ZNF18: variants seen among roughly 807,000 people sequenced by gnomAD.
ZNF18 encodes heart development-specific gene 1 protein.
ZNF18 carries 42 observed loss-of-function variants against 58.1 expected under a neutral mutation model. That is an observed-to-expected ratio of 0.72 (90% CI 0.56 to 0.93). ZNF18 has a LOEUF of 0.93. ZNF18 is among the 40% of genes least tolerant of loss of function. The pLI, the probability that ZNF18 is intolerant of heterozygous loss-of-function variation, is 0.00. For missense variants in ZNF18, 540 were observed against 644.2 expected (o/e 0.84, Z 1.75); for synonymous variants, 231 against 239.8 (o/e 0.96, Z 0.34).
At chr17:12,020,713 A>C in the ZNF18 span, 1 of 366,390 alleles carries the variant, frequency 2.7e-6, no homozygotes, top group Admixed American at 4.7e-5. Context: ...TCTGCAGCTC[A>C]GCATCTGGCC....
At chr17:12,011,929 G>A in the ZNF18 span, among the ~76,000 whole-genome samples, 4 of 151,824 alleles carry the variant, frequency 2.6e-5, no homozygotes, top group African/African-American at 9.7e-5. Flanking sequence ...TTGAACTCCT[G>A]ACCTCGTGAT....
At chr17:12,012,321 C>T in the ZNF18 span, among the ~76,000 whole-genome samples, 1 of 152,184 alleles carries the variant, frequency 6.6e-6, no homozygotes, top group South Asian at 2.1e-4. Context: ...GCTTCCTCTT[C>T]TTACAGCTGG....
At chr17:11,995,099 T>C (rs1005657037) in intron 1 of ZNF18, among the ~76,000 whole-genome samples, 3 of 151,928 alleles carry the variant, frequency 2.0e-5, no homozygotes, top group African/African-American at 7.3e-5. Context: ...CCTCATTAAA[T>C]TTATTTTTTG....
At chr17:12,002,995 C>A in the ZNF18 span, among the ~76,000 whole-genome samples, 3 of 152,134 alleles carry the variant, frequency 2.0e-5, no homozygotes, top group Non-Finnish European at 4.4e-5. Flanking sequence ...CTGTTGACTT[C>A]AATAGAGCAA....
chr17:11,989,781 A>T (rs1967981681), intron 4 of ZNF18, among the ~76,000 whole-genome samples: 2 of 152,188 alleles, frequency 1.3e-5, no homozygotes, highest in South Asian at 4.1e-4. Flanking sequence ...AGACAAACAG[A>T]AATTGTCCAA....
rs1967502837 is a variant in ZNF18, at chr17:11,983,333, G to A, written c.826C>T (p.His276Tyr). 1 of 1,614,040 alleles carries A rather than the reference G, an allele frequency of 6.2e-7. No individual in the cohort carries two copies. The highest frequency in any genetic ancestry group is 1.3e-5 in the African/African-American group (1 of 75,046). The stretch of plus-strand genomic sequence containing the variant: ...GGTCTTGGGATCTTCTCATTGACAT[G>A]AAGGTATATTCCTGCCAGCTCTTCC... ...FGEELAGIYL[H>Y]VNEKIPRPTC... Residue 276 changes from histidine to tyrosine, a missense_variant, in exon 6 of 7, where the codon CAT (histidine) becomes TAT (tyrosine). Physicochemically the swap from His to Tyr is moderately conservative, Grantham distance 83. Transcript: ENST00000580306.
At chr17:12,013,015 G>A in the ZNF18 span, among the ~76,000 whole-genome samples, 3 of 151,228 alleles carry the variant, frequency 2.0e-5, no homozygotes, top group South Asian at 6.3e-4. Flanking sequence ...GCAGTGGCGC[G>A]ATCTCGGCTC....
chr17:12,001,744 T>C (rs1431866943), upstream of ZNF18, among the ~76,000 whole-genome samples: 5 of 152,190 alleles, frequency 3.3e-5, no homozygotes, highest in Admixed American at 6.5e-5. Flanking sequence ...ATGTATTAAC[T>C]TGATTTAAAC....
Position 11,983,342 on chromosome 17 carries a change from T to G in ZNF18, c.817A>C (p.Ile273Leu), listed in dbSNP as rs77956991. 3,275 of 1,614,076 alleles carry G rather than the reference T, an allele frequency of 2.0e-3. 53 individuals carry two copies. In the African/African-American group the frequency reaches 0.038, roughly 19 times the overall value. ...SIEFGEELAGIYLHVNEKIPR... is the reference protein window; with the variant it reads ...SIEFGEELAGLYLHVNEKIPR... ...ATCTTCTCATTGACATGAAGGTATA[T>G]TCCTGCCAGCTCTTCCCCAAATTCT... Residue 273 changes from isoleucine to leucine, a missense_variant, in exon 6 of 7, where the codon ATA (isoleucine) becomes CTA (leucine). Transcript: ENST00000580306.
intron 1 of ZNF18, among the ~76,000 whole-genome samples, chr17:11,995,395 A>C (rs1161884304): frequency 6.6e-6 from 1 of 151,736 alleles, no homozygotes; most frequent in East Asian, 1.9e-4. Context: ...AAAAAAAAGA[A>C]ACCCAGGCCA....
rs1967103176 is a variant in ZNF18 at position 11,978,128 on chromosome 17, T to C, written c.1479A>G (p.Lys493=). The change falls in exon 7 of 7, where the codon AAA becomes AAG. Residue 493 remains lysine (K), a synonymous_variant. Coordinates refer to ENST00000580306, the MANE Select transcript of ZNF18 (RefSeq NM_001303281.2). Reference sequence around the variant, plus strand: ...TGAAACTTTTCTCACAGATAGGACATTTATAGGGTTTCTCTCCTGTGTGGA... The same window carrying C: ...TGAAACTTTTCTCACAGATAGGACACTTATAGGGTTTCTCTCCTGTGTGGA... The part of the protein sequence containing the change: ...EKIHTGEKPY[K]CPICEKSFIQ... 1.2e-6 allele frequency: 2 copies of C among 1,614,176 alleles called. No homozygotes were observed. The highest frequency in any genetic ancestry group is 1.7e-6 in the Non-Finnish European group (2 of 1,180,026).
the ZNF18 span, among the ~76,000 whole-genome samples, chr17:12,005,352 T>C: frequency 6.6e-6 from 1 of 152,108 alleles, no homozygotes. Context: ...ACACAAAATA[T>C]TCCGTATAAA....
At chr17:11,979,815 A>G (rs539643119) in intron 6 of ZNF18, among the ~76,000 whole-genome samples, 23 of 152,304 alleles carry the variant, frequency 1.5e-4, no homozygotes, top group Non-Finnish European at 2.1e-4. Flanking sequence ...GCCTTAGAAT[A>G]TATTCCTCTC....
chr17:12,007,095 C>A, the ZNF18 span, among the ~76,000 whole-genome samples: 82 of 152,166 alleles, frequency 5.4e-4, no homozygotes, highest in African/African-American at 1.6e-3. Flanking sequence ...TGAGCTTAAT[C>A]TCTGTTCTGG....
intron 4 of ZNF18, among the ~76,000 whole-genome samples, chr17:11,986,943 T>C (rs1967786638): frequency 6.6e-6 from 1 of 152,156 alleles, no homozygotes; most frequent in Non-Finnish European, 1.5e-5. Context: ...ACTAACAGGG[T>C]ACCTCCAGCT....
the ZNF18 span, among the ~76,000 whole-genome samples, chr17:12,017,589 T>C: frequency 6.6e-6 from 1 of 152,142 alleles, no homozygotes; most frequent in African/African-American, 2.4e-5. Context: ...GAAAAATGTA[T>C]TCTTGAGGCT....
chr17:11,982,886 CAT>C (rs1967466461), intron 6 of ZNF18, among the ~76,000 whole-genome samples: 1 of 152,092 alleles, frequency 6.6e-6, no homozygotes, highest in Non-Finnish European at 1.5e-5. Context: ...TTAGATAAAA[CAT>C]TTTTTTCTGT....
chr17:12,013,877 C>T, the ZNF18 span, among the ~76,000 whole-genome samples: 1 of 152,138 alleles, frequency 6.6e-6, no homozygotes, highest in African/African-American at 2.4e-5. Flanking sequence ...GACAACAAAC[C>T]TGTATGGAAC....
chr17:11,992,301 A>G, intron 2 of ZNF18, 142 bp downstream of exon 2: 1 of 1,081,692 alleles, frequency 9.2e-7, no homozygotes, highest in Non-Finnish European at 1.3e-6. Context: ...TACTGGTGTT[A>G]GAGAATCACA....
Sources: allele counts gnomAD v4.1 joint callset (sites outside exome capture counted in the v4.1 genomes callset), GRCh38; gene constraint gnomAD v4.1.1; transcripts MANE v1.5; gene names NCBI Gene and HGNC (gene_info 2026-07-23, HGNC 2026-07-21).